ADGRV1: variants seen among roughly 807,000 people sequenced by gnomAD.
ADGRV1 encodes the protein G-protein coupled receptor 98.
Under a neutral mutation model 596.2 loss-of-function variants are expected in ADGRV1, and 359 were observed. The ratio of observed to expected loss-of-function variants is 0.60; its 90% CI spans 0.55 to 0.66. The LOEUF (loss-of-function observed/expected upper bound fraction) is 0.66. Among genes scored for constraint, ADGRV1 ranks in the 30% least tolerant of loss-of-function variants. The pLI is 0.00. For synonymous variants in ADGRV1, 2,681 were observed against 2,679.2 expected, an observed-to-expected ratio of 1.00 and a Z score of -0.02; for missense variants, 7,274 against 7,575.6, an observed-to-expected ratio of 0.96 and a Z score of 1.48.
At chr5:91,061,983 G>A (rs936362176) in intron 85 of ADGRV1, among the ~76,000 whole-genome samples, 4 of 152,138 alleles carry the variant, frequency 2.6e-5, no homozygotes, top group African/African-American at 9.7e-5. Context: ...AGGGGGGTGG[G>A]AGTATAGCAG....
At chr5:90,878,633 C>G (rs936594366) in intron 83 of ADGRV1, among the ~76,000 whole-genome samples, 2 of 152,160 alleles carry the variant, frequency 1.3e-5, no homozygotes, top group African/African-American at 4.8e-5. Flanking sequence ...AAAAATGCCT[C>G]TATGTTCACA....
chr5:90,759,509 T>A lies in ADGRV1; in HGVS notation c.12041T>A (p.Leu4014His). ...SLISVAGGGR[L>H]GDDVVVTVVI... ...ATCAGTGTTGCTGGAGGTGGCAGAC[T>A]TGGTGATGATGTTGTGGTAACTGTT... Residue 4014 changes from leucine to histidine, a missense_variant, in exon 58 of 90, where the codon CTT becomes CAT. Physicochemically the swap from Leu to His is moderately conservative, Grantham distance 99. Transcript: ENST00000405460. 1 of 1,613,056 alleles carries A rather than the reference T, an allele frequency of 6.2e-7. No homozygotes were observed. The highest frequency in any genetic ancestry group is 8.5e-7 in the Non-Finnish European group (1 of 1,179,294).
intron 86 of ADGRV1, among the ~76,000 whole-genome samples, chr5:91,097,624 T>G (rs1790988447): frequency 6.6e-6 from 1 of 152,208 alleles, no homozygotes; most frequent in African/African-American, 2.4e-5. Flanking sequence ...GGTAACTCTG[T>G]GTTTAACATC....
chr5:91,086,857 C>T (rs1789921127), intron 86 of ADGRV1, among the ~76,000 whole-genome samples: 1 of 152,164 alleles, frequency 6.6e-6, no homozygotes, highest in African/African-American at 2.4e-5. Flanking sequence ...TGCCACACCT[C>T]TTCTCCGAAA....
At chr5:90,896,267 G>GTT (rs547252109) in intron 83 of ADGRV1, among the ~76,000 whole-genome samples, 26,800 of 84,938 alleles carry the variant, frequency 0.32, 7,167 homozygotes, top group Non-Finnish European at 0.39. Context: ...GTGACCAGTG[G>GTT]TTTTTTTTTT....
intron 1 of ADGRV1, among the ~76,000 whole-genome samples, chr5:90,584,188 G>C (rs1318750407): frequency 6.6e-6 from 1 of 152,172 alleles, no homozygotes; most frequent in Non-Finnish European, 1.5e-5. Context: ...AGCATGTAGT[G>C]CTTGGTAAAG....
chr5:90,665,928 G>A (rs1266996471), intron 21 of ADGRV1, among the ~76,000 whole-genome samples: 3 of 149,480 alleles, frequency 2.0e-5, no homozygotes, highest in African/African-American at 7.4e-5. Flanking sequence ...GCGGTTTTGA[G>A]TGAGATTCTT....
intron 1 of ADGRV1, among the ~76,000 whole-genome samples, chr5:90,574,750 T>A (rs554597096): frequency 2.3e-4 from 35 of 152,312 alleles, no homozygotes; most frequent in Middle Eastern, 6.8e-3. Context: ...TCCTTATCAC[T>A]AATTTAATTT....
chr5:91,046,908 T>C (rs1257258004), intron 85 of ADGRV1, among the ~76,000 whole-genome samples: 2 of 151,920 alleles, frequency 1.3e-5, no homozygotes, highest in African/African-American at 4.8e-5. Context: ...AACAAACATA[T>C]GAAAAAATGC....
chr5:90,638,414 T>C (rs1766525156), intron 11 of ADGRV1, among the ~76,000 whole-genome samples: 1 of 152,066 alleles, frequency 6.6e-6, no homozygotes, highest in African/African-American at 2.4e-5. Context: ...AATTTTATGA[T>C]TATTTTCTAA....
At chr5:90,908,472 A>G (rs889194412) in intron 83 of ADGRV1, among the ~76,000 whole-genome samples, 1 of 152,128 alleles carries the variant, frequency 6.6e-6, no homozygotes, top group African/African-American at 2.4e-5. Flanking sequence ...TTCTATTTCT[A>G]TACCCATAGA....
At chr5:90,588,105 C>A (rs1036230189) in intron 1 of ADGRV1, among the ~76,000 whole-genome samples, 1 of 152,004 alleles carries the variant, frequency 6.6e-6, no homozygotes, top group Non-Finnish European at 1.5e-5. Flanking sequence ...TATTCTATAG[C>A]CACTAGAAAA....
chr5:90,759,955 C>G (rs1193880587), intron 58 of ADGRV1: 2 of 71,652 alleles, frequency 2.8e-5, no homozygotes, highest in African/African-American at 1.3e-4. Context: ...CATAGAGAGA[C>G]TCCATCTCAA....
At chr5:91,036,215 A>G (rs2151254019) in intron 85 of ADGRV1, among the ~76,000 whole-genome samples, 2 of 152,080 alleles carry the variant, frequency 1.3e-5, no homozygotes, top group Middle Eastern at 3.4e-3. Flanking sequence ...GAGCTATGTT[A>G]AAGCTGGGTA....
At chr5:90,753,335 A>G (rs573098907) in intron 53 of ADGRV1, among the ~76,000 whole-genome samples, 78 of 140,270 alleles carry the variant, frequency 5.6e-4, no homozygotes, top group Non-Finnish European at 8.5e-4. Context: ...GTATTTGACA[A>G]TTTGGCTGCA....
intron 79 of ADGRV1, among the ~76,000 whole-genome samples, chr5:90,852,714 A>G (rs949768608): frequency 1.3e-5 from 2 of 152,224 alleles, no homozygotes; most frequent in African/African-American, 4.8e-5. Context: ...TATTATGCCT[A>G]GTAGATCTTC....
intron 87 of ADGRV1, among the ~76,000 whole-genome samples, chr5:91,143,561 G>A (rs557583938): frequency 8.5e-5 from 13 of 152,320 alleles, no homozygotes; most frequent in South Asian, 2.1e-4. Flanking sequence ...CAGGCAGGTC[G>A]TCCCATCAAG....
intron 8 of ADGRV1, 182 bp downstream of exon 8, chr5:90,629,014 ATTCCACAAAC>A: frequency 1.4e-6 from 1 of 696,986 alleles, no homozygotes; most frequent in East Asian, 2.8e-5. Flanking sequence ...CCTCTAAAAA[ATTCCACAAAC>A]TGTGATTTAG....
chr5:90,848,530 T>TA (rs2150387811), intron 78 of ADGRV1, 107 bp from the exon 79 acceptor site: 2 of 475,530 alleles, frequency 4.2e-6, no homozygotes, highest in South Asian at 9.1e-5. Flanking sequence ...TTATCCTTAC[T>TA]AATGTTAATA....
Sources: allele counts gnomAD v4.1 joint callset (sites outside exome capture counted in the v4.1 genomes callset), GRCh38; gene constraint gnomAD v4.1.1; transcripts MANE v1.5; gene names NCBI Gene and HGNC (gene_info 2026-07-23, HGNC 2026-07-21).